Variants in TMEM269 observed in about 807,000 individuals in gnomAD.
TMEM269 encodes transmembrane protein 269.
In TMEM269, 12 loss-of-function variants were observed where a neutral mutation model predicts 15.8. The observed-to-expected ratio is 0.76, with a 90% CI of 0.49 to 1.23. TMEM269 has a LOEUF of 1.23. TMEM269 is among the 50% of genes most tolerant of loss of function. TMEM269 has a pLI of 0.00. For missense variants in TMEM269, 211 were observed against 245.4 expected (o/e 0.86, Z 0.94); for synonymous variants, 93 against 99.3 (o/e 0.94, Z 0.38).
chr1:42,796,434 G>T (rs1464596733), intron 5 of TMEM269: 3 of 152,190 alleles, frequency 2.0e-5, no homozygotes, highest in African/African-American at 7.2e-5. Context: ...CTTATTTGGA[G>T]TGCAGCCAGT....
rs557540938 is a variant in TMEM269, at chr1:42,785,979, T to C, written c.-99+897T>C. ...TGCGGCCTGGCTCTTGTTCTCCTCATCCCCCACCCCACACACAAGGCCCGG... is the reference window on the plus strand; with the variant it reads ...TGCGGCCTGGCTCTTGTTCTCCTCACCCCCCACCCCACACACAAGGCCCGG... On this transcript the variant is annotated intron_variant, in intron 1 of 5. Coordinates refer to ENST00000637012, the MANE Select transcript of TMEM269 (RefSeq NM_001354602.2). 4.0e-5 allele frequency among the ~76,000 whole-genome samples: 6 copies of C among 151,862 alleles called. No homozygotes were observed. In the East Asian group the frequency reaches 7.8e-4, roughly 20 times the overall value.
At chr1:42,798,002 G>A (rs973457509) in intron 5 of TMEM269, 96 bp from the exon 6 acceptor site, 3 of 1,403,686 alleles carry the variant, frequency 2.1e-6, no homozygotes, top group African/African-American at 2.9e-5. Flanking sequence ...TGGGTGAAAA[G>A]TAAAGAATGG....
rs1653847879 is a variant in TMEM269 at position 42,799,170 on chromosome 1, A to G, written c.*945A>G. On this transcript the variant is annotated 3_prime_UTR_variant, in exon 6 of 6. Coordinates refer to ENST00000637012, the MANE Select transcript of TMEM269 (RefSeq NM_001354602.2). Reference sequence around the variant, plus strand: ...GTGGATTTTCTTTCCTACGCTGGAAACTACTAAACTCTAGCTATTCAGATG... The same window carrying G: ...GTGGATTTTCTTTCCTACGCTGGAAGCTACTAAACTCTAGCTATTCAGATG... 1 of 151,952 alleles carries G rather than the reference A, an allele frequency of 6.6e-6. No homozygotes were observed. The highest frequency in any genetic ancestry group is 1.5e-5 in the Non-Finnish European group (1 of 67,994). The allele number at this position is 151,952 out of a possible 1,614,324, so 9.4% of individuals were successfully genotyped here. A position where few individuals can be genotyped will look rare whatever the true frequency, so the allele number is the denominator to read the frequency against.
chr1:42,793,517 C>A, intron 3 of TMEM269, 84 bp from the exon 4 acceptor site: 1 of 1,395,120 alleles, frequency 7.2e-7, no homozygotes, highest in Non-Finnish European at 9.6e-7. Flanking sequence ...CCTCTTATCA[C>A]TACCCCAGCT....
chr1:42,795,875 T>G (rs1352617704), intron 5 of TMEM269, among the ~76,000 whole-genome samples: 1 of 152,216 alleles, frequency 6.6e-6, no homozygotes, highest in Non-Finnish European at 1.5e-5. Flanking sequence ...CCTTAAGGTT[T>G]ATACCTTTTG....
chr1:42,785,163 C>G (rs891035026), intron 1 of TMEM269, 81 bp downstream of exon 1: 1 of 152,274 alleles, frequency 6.6e-6, no homozygotes, highest in Non-Finnish European at 1.5e-5. Flanking sequence ...TCCATCTTCC[C>G]GATGTGGTCG....
intron 1 of TMEM269, among the ~76,000 whole-genome samples, chr1:42,787,606 C>CAAAAAA (rs56184198): frequency 1.7e-5 from 1 of 57,548 alleles, no homozygotes; most frequent in African/African-American, 7.1e-5. Context: ...GACTCCGTCT[C>CAAAAAA]AAAAAAAAAA....
Position 42,793,625 on chromosome 1 carries a change from T to C in TMEM269, c.164T>C (p.Val55Ala). The C allele has an allele frequency of 6.5e-7, 1 of 1,550,284 alleles. No homozygotes were observed. The highest frequency in any genetic ancestry group is 8.7e-7 in the Non-Finnish European group (1 of 1,146,854). Residue 55 changes from valine to alanine, a missense_variant, in exon 4 of 6, where the codon GTC becomes GCC. Coordinates refer to ENST00000637012, the MANE Select transcript of TMEM269 (RefSeq NM_001354602.2). ...GGAGCCGAGCTGAATGACTTTGCCG[T>C]CTTCACCACCTTCGGCTTGGCCTCC... is the stretch of plus-strand genomic sequence containing the variant. ...KLGAELNDFA[V>A]FTTFGLASAL... is the part of the protein sequence containing the mutation.
At position 42,800,306 on chromosome 1, in the gene TMEM269, C is replaced by T. The variant is rs1350135232; in HGVS notation, c.*2081C>T. The T allele has an allele frequency of 6.6e-6, 1 of 152,156 alleles. No individual in the cohort carries two copies. Among genetic ancestry groups the T allele is most frequent in the African/African-American group, 2.4e-5 (1 of 41,442 alleles). The allele number at this position is 152,156 out of a possible 1,614,324, so 9.4% of individuals were successfully genotyped here. ...GCACCTCTCTGAGAGTATGGTTATA[C>T]TTCTATACGGGCTTGAGGGTCTCAG... On this transcript the variant is annotated 3_prime_UTR_variant, in exon 6 of 6. Coordinates refer to ENST00000637012, the MANE Select transcript of TMEM269 (RefSeq NM_001354602.2).
chr1:42,793,764 C>T lies in TMEM269; in HGVS notation c.283+20C>T, dbSNP rs1469644177. 1 of 1,548,052 alleles carries T rather than the reference C, an allele frequency of 6.5e-7. No individual in the cohort carries two copies. Among genetic ancestry groups the T allele is most frequent in the Non-Finnish European group, 8.7e-7 (1 of 1,145,690 alleles). The stretch of plus-strand genomic sequence containing the variant: ...CACCTGGTGAGTGGAACCAAGGTTG[C>T]CTTAGAACAGAGGGCAGGGGAGCAC... On this transcript the variant is annotated intron_variant, in intron 4 of 5. Transcript: ENST00000637012.
rs1478717801 is a variant in TMEM269, at chr1:42,788,835, A to G, written c.-98-961A>G. ...TAAAATAGGGGAGAATTCTAGCACC[A>G]TCTCCTGAGGTTGTCAGGATCTGAG... On this transcript the variant is annotated intron_variant, in intron 1 of 5. Coordinates refer to ENST00000637012, the MANE Select transcript of TMEM269 (RefSeq NM_001354602.2). This position sits in a 1 kb window ranked among gnomAD's most constrained non-coding sequence, Gnocchi z 4.0. Among the ~76,000 whole-genome samples the G allele has an allele frequency of 1.3e-5, 2 of 152,092 alleles. No individual in the cohort carries two copies. Among genetic ancestry groups the G allele is most frequent in the African/African-American group, 4.8e-5 (2 of 41,414 alleles).
intron 1 of TMEM269, chr1:42,789,380 A>T: frequency 6.8e-7 from 1 of 1,476,360 alleles, no homozygotes; most frequent in Non-Finnish European, 9.1e-7. Context: ...GCTTCCTGGC[A>T]CTACTTCTCT....
rs138319671 is a variant in TMEM269, at chr1:42,793,916, C to T, written c.283+172C>T. 3.8e-3 allele frequency among the ~76,000 whole-genome samples: 584 copies of T among 152,344 alleles called. 3 individuals are homozygous for T. Among genetic ancestry groups the T allele is most frequent in the Non-Finnish European group, 5.7e-3 (386 of 68,030 alleles). On this transcript the variant is annotated intron_variant, in intron 4 of 5. Transcript: ENST00000637012. Reference sequence around the variant, plus strand: ...CACTGAAGGCTGCAGGCTGCATTGGCAGAGCCCTGGGCTGGGAGGCAAGGG... The same window carrying T: ...CACTGAAGGCTGCAGGCTGCATTGGTAGAGCCCTGGGCTGGGAGGCAAGGG...
chr1:42,794,410 C>T lies in TMEM269; in HGVS notation c.284-3C>T. ...AGCTAATCTCCAGCGTTCTTCCTGG[C>T]AGGAGTCCCCTCCACATACAAGGGT... is the stretch of plus-strand genomic sequence containing the variant. On this transcript the variant is annotated splice_region_variant and splice_polypyrimidine_tract_variant and intron_variant, in intron 4 of 5. Coordinates refer to ENST00000637012, the MANE Select transcript of TMEM269 (RefSeq NM_001354602.2). The T allele has an allele frequency of 6.5e-7, 1 of 1,549,746 alleles. No individual in the cohort carries two copies.
At chr1:42,787,814 T>G (rs1466679029) in intron 1 of TMEM269, among the ~76,000 whole-genome samples, 2 of 152,162 alleles carry the variant, frequency 1.3e-5, no homozygotes, top group Non-Finnish European at 2.9e-5. Flanking sequence ...AGACAGACCC[T>G]GGGCACCTGC....
rs1292864063 is a variant in TMEM269, at chr1:42,799,076, G to A, written c.*851G>A. ...TGTATTTTAATAGTTCAAAGCTGCC[G>A]CCTTTTGCTTTGTTTAGCAGTTAGA... On this transcript the variant is annotated 3_prime_UTR_variant, in exon 6 of 6. Coordinates refer to ENST00000637012, the MANE Select transcript of TMEM269 (RefSeq NM_001354602.2). 6.6e-6 allele frequency: 1 copy of A among 151,748 alleles called. No homozygotes were observed. Among genetic ancestry groups the A allele is most frequent in the Admixed American group, 6.6e-5 (1 of 15,196 alleles). The allele number at this position is 151,748 out of a possible 1,614,324, so 9.4% of individuals were successfully genotyped here.
intron 4 of TMEM269, 62 bp downstream of exon 4, chr1:42,793,806 G>C: frequency 6.7e-7 from 1 of 1,500,538 alleles, no homozygotes; most frequent in South Asian, 1.3e-5. Context: ...GGGGGCTGTC[G>C]GGTGCCAGAA....
chr1:42,791,759 T>C (rs978212870), intron 2 of TMEM269, among the ~76,000 whole-genome samples: 4 of 152,180 alleles, frequency 2.6e-5, no homozygotes, highest in Admixed American at 2.6e-4. Context: ...TCCAGCACTT[T>C]GGGAAGCTGA....
chr1:42,793,490 TC>T (rs926844064), intron 3 of TMEM269, 110 bp from the exon 4 acceptor site: 7 of 1,108,430 alleles, frequency 6.3e-6, no homozygotes, highest in Non-Finnish European at 8.7e-6. Context: ...GCTGTTGCTT[TC>T]TGTGACCTCA....
Sources: gnomAD v4.1 joint callset for allele counts (sites outside exome capture counted in the v4.1 genomes callset) on GRCh38, gnomAD v4.1.1 for gene constraint, Gnocchi (gnomAD v3.1) non-coding constraint, MANE v1.5 for transcripts, NCBI Gene and HGNC (gene_info 2026-07-23, HGNC 2026-07-21) for gene names.